The following STMND1 variants were observed in gnomAD, a reference collection of about 807,000 sequenced individuals.
The protein encoded by STMND1 is stathmin domain containing 1.
A neutral mutation model predicts 23.0 loss-of-function variants in STMND1; 17 were observed. That is an observed-to-expected ratio of 0.74 (90% CI 0.51 to 1.11). STMND1 has a LOEUF of 1.11. Ranked by LOEUF, STMND1 falls within the 50% of genes least tolerant of loss-of-function variation. The pLI, the probability that STMND1 is intolerant of heterozygous loss-of-function variation, is 0.00. For synonymous variants in STMND1, 114 were observed against 119.9 expected (o/e 0.95, Z 0.32); for missense variants, 305 against 329.1 (o/e 0.93, Z 0.57).
At chr6:17,127,598 A>T (rs970227895) in intron 3 of STMND1, among the ~76,000 whole-genome samples, 1 of 152,170 alleles carries the variant, frequency 6.6e-6, no homozygotes, top group African/African-American at 2.4e-5. Context: ...CCCAGCCAGG[A>T]TTCAAACCCA....
At chr6:17,105,148 A>G (rs562298595) in intron 1 of STMND1, among the ~76,000 whole-genome samples, 1 of 152,256 alleles carries the variant, frequency 6.6e-6, no homozygotes, top group East Asian at 1.9e-4. Flanking sequence ...ATACTACACC[A>G]TTTTCTATAA....
intron 3 of STMND1, among the ~76,000 whole-genome samples, chr6:17,126,070 A>ATAT (rs1561925814): frequency 5.4e-4 from 11 of 20,532 alleles, no homozygotes; most frequent in East Asian, 2.7e-3. Context: ...ATATATATAT[A>ATAT]TTTTTTTTTT....
chr6:17,120,471 T>C, intron 2 of STMND1, 136 bp from the exon 3 acceptor site: 1 of 615,462 alleles, frequency 1.6e-6, no homozygotes, highest in South Asian at 3.2e-5. Flanking sequence ...CAAAGACTTA[T>C]AATAGAAATA....
At chr6:17,129,356 A>C (rs1164619303) in intron 4 of STMND1, 113 bp downstream of exon 4, 6 of 1,021,926 alleles carry the variant, frequency 5.9e-6, no homozygotes, top group Non-Finnish European at 7.9e-6. Context: ...ATCTATAATC[A>C]GTATTTTTTT....
intron 1 of STMND1, among the ~76,000 whole-genome samples, chr6:17,109,686 A>C (rs1335934239): frequency 6.6e-6 from 1 of 152,150 alleles, no homozygotes; most frequent in African/African-American, 2.4e-5. Flanking sequence ...CTCACAGTAC[A>C]CTTTCTAATA....
chr6:17,104,539 C>T (rs1049949164), intron 1 of STMND1, among the ~76,000 whole-genome samples: 5 of 152,104 alleles, frequency 3.3e-5, no homozygotes, highest in Non-Finnish European at 7.4e-5. Flanking sequence ...CAGGAGGGTT[C>T]CTGGGTTTCT....
rs192435726 is a variant in STMND1, at chr6:17,115,004, C to T, written c.124C>T (p.Arg42Trp). 95 of 1,532,318 alleles carry T rather than the reference C, an allele frequency of 6.2e-5. No individual in the cohort carries two copies. Among genetic ancestry groups the T allele is most frequent in the Admixed American group, 2.6e-4 (13 of 50,482 alleles). The allele number at this position is 1,532,318 out of a possible 1,614,324, so 94.9% of individuals were successfully genotyped here. A position where few individuals can be genotyped will look rare whatever the true frequency, so the allele number is the denominator to read the frequency against. ...TCATACTGGGGAAAATTGCAGCCCC[C>T]GGATGGAAGCTGCTCTGACCAAGAA... ...VPHTGENCSP[R>W]MEAALTKNTV... Residue 42 changes from arginine to tryptophan, a missense_variant, in exon 2 of 5, where the codon CGG becomes TGG. Transcript: ENST00000536551.
intron 1 of STMND1, among the ~76,000 whole-genome samples, chr6:17,109,192 A>G (rs1449503146): frequency 6.6e-6 from 1 of 152,144 alleles, no homozygotes; most frequent in Non-Finnish European, 1.5e-5. Context: ...TTCCCATTTC[A>G]TATCCACTGA....
intron 3 of STMND1, 102 bp from the exon 4 acceptor site, chr6:17,129,010 G>T: frequency 1.6e-6 from 2 of 1,265,374 alleles, no homozygotes; most frequent in South Asian, 1.5e-5. Context: ...ACTGCACCCA[G>T]ACTAGAATTT....
At chr6:17,106,307 A>G (rs1761024171) in intron 1 of STMND1, among the ~76,000 whole-genome samples, 1 of 152,050 alleles carries the variant, frequency 6.6e-6, no homozygotes, top group African/African-American at 2.4e-5. Flanking sequence ...GTTTGTTTCT[A>G]TATTTGCCTT....
chr6:17,128,854 G>A (rs571864296), intron 3 of STMND1: 19 of 290,496 alleles, frequency 6.5e-5, no homozygotes, highest in Middle Eastern at 2.5e-3. Context: ...CTGGGACTAC[G>A]GGCACACACC....
chr6:17,116,725 T>A (rs1351650372), intron 2 of STMND1, among the ~76,000 whole-genome samples: 1 of 152,050 alleles, frequency 6.6e-6, no homozygotes, highest in Non-Finnish European at 1.5e-5. Context: ...CAGGCATGAG[T>A]CACTGCACCT....
At chr6:17,103,089 C>T (rs752857375) in intron 1 of STMND1, among the ~76,000 whole-genome samples, 1 of 152,150 alleles carries the variant, frequency 6.6e-6, no homozygotes, top group African/African-American at 2.4e-5. Flanking sequence ...CCTTACCACC[C>T]TCCAGATTCC....
chr6:17,102,391 T>A, intron 1 of STMND1, 53 bp downstream of exon 1: 1 of 1,532,206 alleles, frequency 6.5e-7, no homozygotes, highest in Non-Finnish European at 8.7e-7. Flanking sequence ...GCCTTTTGCC[T>A]GGGAGGTCTC....
rs1023174423 is a variant in STMND1, at chr6:17,120,648, G to C, written c.301G>C (p.Glu101Gln). ...ATTAATCAATAAACCCCAATCCCTA[G>C]AGAGTCGAGAGCGACAGAAGTCATC... is the stretch of plus-strand genomic sequence containing the variant. ...NGLINKPQSL[E>Q]SRERQKSSDI... Residue 101 changes from glutamate to glutamine, a missense_variant, in exon 3 of 5, where the codon GAG becomes CAG. Glu to Gln is a conservative substitution (Grantham distance 29). Transcript: ENST00000536551. The C allele has an allele frequency of 7.8e-6, 12 of 1,534,940 alleles. No homozygotes were observed. Among genetic ancestry groups the C allele is most frequent in the Non-Finnish European group, 1.0e-5 (12 of 1,146,420 alleles).
Position 17,131,010 on chromosome 6 carries a change from G to A in STMND1, c.*129G>A, listed in dbSNP as rs530408945. On this transcript the variant is annotated 3_prime_UTR_variant, in exon 5 of 5. Transcript: ENST00000536551. ...TTCTGCCTTGGGCTTAAGGATGATT[G>A]TGTGGGCTGCACAGGCTGAAGGTTA... 6 of 886,322 alleles carry A rather than the reference G, an allele frequency of 6.8e-6. No homozygotes were observed. In the East Asian group the frequency reaches 1.6e-4, roughly 24 times the overall value. 54.9% of individuals were successfully genotyped at this position (886,322 alleles called of 1,614,324 possible).
At chr6:17,114,300 T>C (rs140149388) in intron 1 of STMND1, among the ~76,000 whole-genome samples, 1,800 of 151,694 alleles carry the variant, frequency 0.012, 40 homozygotes, top group African/African-American at 0.042. Context: ...GTTTCACCCT[T>C]GTGGCACAAG....
At chr6:17,125,246 T>C (rs1462639145) in intron 3 of STMND1, among the ~76,000 whole-genome samples, 2 of 152,042 alleles carry the variant, frequency 1.3e-5, no homozygotes, top group Non-Finnish European at 2.9e-5. Flanking sequence ...AATCTTTCAG[T>C]GTATTTTTAA....
chr6:17,120,118 A>G (rs968401655), intron 2 of STMND1, among the ~76,000 whole-genome samples: 9 of 152,220 alleles, frequency 5.9e-5, no homozygotes, highest in Admixed American at 3.3e-4. Flanking sequence ...ACTTATGTAG[A>G]CTTAGCAGAT....
Sources: allele counts gnomAD v4.1 joint callset (sites outside exome capture counted in the v4.1 genomes callset), GRCh38; gene constraint gnomAD v4.1.1; transcripts MANE v1.5; gene names NCBI Gene and HGNC (gene_info 2026-07-23, HGNC 2026-07-21).